The following ELAPOR2 variants were observed in gnomAD, a reference collection of about 807,000 sequenced individuals.
ELAPOR2 encodes endosome/lysosome-associated apoptosis and autophagy regulator family member 2.
ELAPOR2 carries 89 observed loss-of-function variants against 120.7 expected under a neutral mutation model. That is an observed-to-expected ratio of 0.74 (90% CI 0.62 to 0.88). The LOEUF (loss-of-function observed/expected upper bound fraction) is 0.88. Ranked by LOEUF, ELAPOR2 falls within the 40% of genes least tolerant of loss-of-function variation. The pLI, the probability that ELAPOR2 is intolerant of heterozygous loss-of-function variation, is 0.00. For synonymous variants in ELAPOR2, 444 were observed against 444.9 expected (o/e 1.00, Z 0.03); for missense variants, 1,134 against 1,251.6 (o/e 0.91, Z 1.42).
chr7:87,044,758 G>A (rs1022055335), intron 1 of ELAPOR2, among the ~76,000 whole-genome samples: 7 of 151,720 alleles, frequency 4.6e-5, no homozygotes, highest in Admixed American at 1.3e-4. Flanking sequence ...TTGACAAACG[G>A]GATCTAATTA....
chr7:87,012,466 A>G (rs1052632017), intron 1 of ELAPOR2, among the ~76,000 whole-genome samples: 3 of 152,120 alleles, frequency 2.0e-5, no homozygotes, highest in African/African-American at 7.2e-5. Context: ...CCACAGTATT[A>G]GTCTAGTTCT....
At chr7:87,027,068 A>C (rs926208881) in intron 1 of ELAPOR2, among the ~76,000 whole-genome samples, 1 of 152,148 alleles carries the variant, frequency 6.6e-6, no homozygotes, top group African/African-American at 2.4e-5. Context: ...GTGGGGTCAG[A>C]TGTTGGCCTT....
At chr7:87,011,823 T>C (rs555798011) in intron 1 of ELAPOR2, among the ~76,000 whole-genome samples, 2 of 152,326 alleles carry the variant, frequency 1.3e-5, no homozygotes, top group Admixed American at 1.3e-4. Flanking sequence ...CTATATGTTT[T>C]AAATATTCAG....
chr7:86,946,903 G>A, intron 3 of ELAPOR2, among the ~76,000 whole-genome samples: 1 of 151,930 alleles, frequency 6.6e-6, no homozygotes, highest in African/African-American at 2.4e-5. Flanking sequence ...ACTCTCTCAA[G>A]GAAATAATCC....
At position 86,920,604 on chromosome 7, in the gene ELAPOR2, T is replaced by A. The variant is rs1789785882; in HGVS notation, c.1400-1294A>T. ...ACAAGGATGGTAAAGAGAGCTAAGT[T>A]TGGAGGATTAATACCCTCGCAGGAG... is the stretch of plus-strand genomic sequence containing the variant. On this transcript the variant is annotated intron_variant, in intron 10 of 21. Coordinates refer to ENST00000450689, the MANE Select transcript of ELAPOR2 (RefSeq NM_001142749.3). 3.9e-5 allele frequency among the ~76,000 whole-genome samples: 6 copies of A among 152,180 alleles called. No individual in the cohort carries two copies. In the South Asian group the frequency reaches 1.2e-3, roughly 31 times the overall value.
chr7:87,042,350 C>T (rs1487579499), intron 1 of ELAPOR2, among the ~76,000 whole-genome samples: 1 of 149,838 alleles, frequency 6.7e-6, no homozygotes, highest in African/African-American at 2.5e-5. Context: ...AAATTGACCA[C>T]ATACTTGGAA....
chr7:86,921,276 A>G (rs1789816647), intron 10 of ELAPOR2, among the ~76,000 whole-genome samples: 1 of 152,138 alleles, frequency 6.6e-6, no homozygotes, highest in Non-Finnish European at 1.5e-5. Context: ...TCAAATTAAG[A>G]TGAGGTTATA....
At chr7:87,045,919 A>G (rs1273119866) in intron 1 of ELAPOR2, among the ~76,000 whole-genome samples, 3 of 152,052 alleles carry the variant, frequency 2.0e-5, no homozygotes, top group Admixed American at 1.3e-4. Flanking sequence ...CACTGTCACC[A>G]CTGTTATTCA....
intron 1 of ELAPOR2, among the ~76,000 whole-genome samples, chr7:86,975,535 AAC>A (rs1339886167): frequency 1.3e-5 from 2 of 152,168 alleles, no homozygotes; most frequent in Non-Finnish European, 2.9e-5. Flanking sequence ...CTTAATCATA[AAC>A]ATTAGACACC....
intron 1 of ELAPOR2, among the ~76,000 whole-genome samples, chr7:86,990,773 CT>C (rs2116595697): frequency 6.6e-6 from 1 of 152,316 alleles, no homozygotes; most frequent in East Asian, 1.9e-4. Flanking sequence ...CTTATTTCAG[CT>C]TAAACTTATA....
chr7:86,909,723 T>C (rs1789206274), intron 16 of ELAPOR2, 89 bp downstream of exon 16: 1 of 1,163,740 alleles, frequency 8.6e-7, no homozygotes, highest in East Asian at 2.5e-5. Context: ...CTTAATCATC[T>C]ATAGCAAACA....
At chr7:86,918,601 T>C in intron 11 of ELAPOR2, 57 bp from the exon 12 acceptor site, 1 of 1,089,088 alleles carries the variant, frequency 9.2e-7, no homozygotes, top group Non-Finnish European at 1.4e-6. Context: ...CAATTTAGAA[T>C]AAAATTAAGC....
intron 16 of ELAPOR2, among the ~76,000 whole-genome samples, chr7:86,909,177 T>C (rs965379522): frequency 6.6e-6 from 1 of 152,032 alleles, no homozygotes; most frequent in Non-Finnish European, 1.5e-5. Context: ...TAAATTCCTC[T>C]GGAGTCTATA....
Position 87,059,617 on chromosome 7 carries a change from C to T in ELAPOR2, c.-104G>A, listed in dbSNP as rs1300112407. The T allele has an allele frequency of 1.8e-6, 2 of 1,088,376 alleles. No homozygotes were observed. The highest frequency in any genetic ancestry group is 5.1e-5 in the Admixed American group (1 of 19,710). 67.4% of individuals were successfully genotyped at this position (1,088,376 alleles called of 1,614,324 possible). A position where few individuals can be genotyped will look rare whatever the true frequency, so the allele number is the denominator to read the frequency against. On this transcript the variant is annotated 5_prime_UTR_variant, in exon 1 of 22. Transcript: ENST00000450689. ...CGACTGCTGTGCGCTCGTCTCGCCG[C>T]TCCGTCACCCGCTGCCCGTCCGCCC...
chr7:86,953,022 G>A (rs1791326103), intron 2 of ELAPOR2, among the ~76,000 whole-genome samples: 1 of 150,530 alleles, frequency 6.6e-6, no homozygotes, highest in Admixed American at 6.6e-5. Flanking sequence ...CTTGAGCCTG[G>A]AAGACAGAGT....
intron 1 of ELAPOR2, among the ~76,000 whole-genome samples, chr7:86,969,309 T>C (rs1434554265): frequency 6.6e-6 from 1 of 152,146 alleles, no homozygotes; most frequent in Non-Finnish European, 1.5e-5. Flanking sequence ...CCCCAGGGAA[T>C]CATCTCCCAA....
chr7:87,042,891 G>A (rs201998790), intron 1 of ELAPOR2, among the ~76,000 whole-genome samples: 2 of 151,780 alleles, frequency 1.3e-5, no homozygotes, highest in Admixed American at 6.6e-5. Flanking sequence ...AAAAGAGAGA[G>A]GAATCAAATA....
chr7:86,941,210 A>C, intron 5 of ELAPOR2: 1 of 412,352 alleles, frequency 2.4e-6, no homozygotes, highest in South Asian at 1.8e-5. Flanking sequence ...CCTATTTTGC[A>C]AATGAAAACA....
At chr7:87,026,792 C>T (rs1413439244) in intron 1 of ELAPOR2, among the ~76,000 whole-genome samples, 3 of 151,826 alleles carry the variant, frequency 2.0e-5, no homozygotes, top group Admixed American at 6.6e-5. Flanking sequence ...ATAATAAATA[C>T]GATCTGTATT....
Sources: allele counts gnomAD v4.1 joint callset (sites outside exome capture counted in the v4.1 genomes callset), GRCh38; gene constraint gnomAD v4.1.1; transcripts MANE v1.5; gene names NCBI Gene and HGNC (gene_info 2026-07-23, HGNC 2026-07-21).